The following NAGA variants were observed in gnomAD, a reference collection of about 807,000 sequenced individuals.
NAGA encodes Acetylgalactosaminidase, alpha-N- (alpha-galactosidase B).
Under a neutral mutation model 45.6 loss-of-function variants are expected in NAGA, and 42 were observed. The observed-to-expected ratio is 0.92, with a 90% CI of 0.72 to 1.19. The LOEUF (loss-of-function observed/expected upper bound fraction) is 1.19. NAGA is among the 50% of genes most tolerant of loss of function. The pLI is 0.00. For missense variants in NAGA, 493 were observed against 544.8 expected (o/e 0.90, Z 0.95); for synonymous variants, 176 against 203.1 (o/e 0.87, Z 1.13).
rs377144205 is a variant in NAGA at position 42,064,209 on chromosome 22, G to T, written c.760-1185C>A. On this transcript the variant is annotated intron_variant, in intron 6 of 8. Coordinates refer to ENST00000396398, the MANE Select transcript of NAGA (RefSeq NM_000262.3). ...TACAAAATTAGCCAGGCGTGGTGGCGCATGCCTGTAATCCCAGCTACTTGG... is the reference window on the plus strand; with the variant it reads ...TACAAAATTAGCCAGGCGTGGTGGCTCATGCCTGTAATCCCAGCTACTTGG... Among the ~76,000 whole-genome samples, 6 of 151,724 alleles carry T rather than the reference G, an allele frequency of 4.0e-5. No homozygotes were observed. The East Asian group carries it at 1.2e-3, about 29-fold the overall frequency.
rs1454615390 is a variant in NAGA at position 42,065,782 on chromosome 22, G to A, written c.715C>T (p.Leu239=). 1.2e-6 allele frequency: 2 copies of A among 1,614,070 alleles called. No homozygotes were observed. Among genetic ancestry groups the A allele is most frequent in the African/African-American group, 2.7e-5 (2 of 74,920 alleles). Residue 239 remains leucine (L), a synonymous_variant, in exon 6 of 9, where the codon CTG becomes TTG. Transcript: ENST00000396398. ...LNWFVEHQDI[L]QPVAGPGHWN... The stretch of plus-strand genomic sequence containing the variant: ...TGCCCAGGGCCGGCCACTGGCTGCA[G>A]TATGTCCTGGTGCTCCACGAACCAA...
intron 2 of NAGA, 135 bp downstream of exon 2, chr22:42,068,304 G>A (rs1241179095): frequency 1.5e-5 from 21 of 1,422,958 alleles, no homozygotes; most frequent in African/African-American, 7.0e-5. Context: ...CAGACAGTCC[G>A]AGTGACTTCT....
At position 42,062,618 on chromosome 22, in the gene NAGA, C is replaced by T. The variant is rs142489962; in HGVS notation, c.957+209G>A. Among the ~76,000 whole-genome samples the T allele has an allele frequency of 9.6e-4, 146 of 152,310 alleles. No homozygotes were observed. In the Middle Eastern group the frequency reaches 0.027, roughly 28 times the overall value. Reference sequence around the variant, plus strand: ...CCCGACTCCCTTGAGCTGTCCTGCTCAGCCCTGCTCTCACCCAGCAAGAGG... The same window carrying T: ...CCCGACTCCCTTGAGCTGTCCTGCTTAGCCCTGCTCTCACCCAGCAAGAGG... On this transcript the variant is annotated intron_variant, in intron 7 of 8. Transcript: ENST00000396398.
intron 7 of NAGA, 136 bp downstream of exon 7, chr22:42,062,691 A>G: frequency 1.0e-6 from 1 of 967,094 alleles, no homozygotes; most frequent in Admixed American, 1.8e-5. Flanking sequence ...ATAAGCAACC[A>G]GAAGGGGTAG....
At chr22:42,066,024 C>T in intron 5 of NAGA, 125 bp from the exon 6 acceptor site, 1 of 1,273,932 alleles carries the variant, frequency 7.8e-7, no homozygotes. Flanking sequence ...GAGAACAGGC[C>T]CCACCGGCTT....
Position 42,070,389 on chromosome 22 carries a change from A to G in NAGA, c.-92T>C. The G allele has an allele frequency of 6.6e-7, 1 of 1,514,362 alleles. No homozygotes were observed. Among genetic ancestry groups the G allele is most frequent in the Non-Finnish European group, 9.2e-7 (1 of 1,089,316 alleles). The allele number at this position is 1,514,362 out of a possible 1,614,324, so 93.8% of individuals were successfully genotyped here. A position where few individuals can be genotyped will look rare whatever the true frequency, so the allele number is the denominator to read the frequency against. The stretch of plus-strand genomic sequence containing the variant: ...GCTCTGGAAGCTAAGAAACGTCTGA[A>G]AAGCACTGGGGTCACGGCTGCCTGG... On this transcript the variant is annotated 5_prime_UTR_variant, in exon 1 of 9. Coordinates refer to ENST00000396398, the MANE Select transcript of NAGA (RefSeq NM_000262.3).
chr22:42,060,283 TG>T lies in NAGA; in HGVS notation c.1231del (p.Gln411SerfsTer40). 6.2e-7 allele frequency: 1 copy of T among 1,613,424 alleles called. No individual in the cohort carries two copies. The highest frequency in any genetic ancestry group is 8.5e-7 in the Non-Finnish European group (1 of 1,179,978). On this transcript the variant is annotated frameshift_variant, in exon 9 of 9. Transcript: ENST00000396398. LOFTEE classifies it high-confidence loss of function. Reference protein sequence around the residue: ...YPIKNLEMSQQ With the variant: ...YPIKNLEMSQX The stretch of plus-strand genomic sequence containing the variant: ...CCTGTCACATGTCCCAGCTCCTCAC[TG>T]CTGGGACATCTCCAGGTTCTTGATG...
chr22:42,067,150 C>G lies in NAGA; in HGVS notation c.465G>C (p.Leu155=). ...FAEWKVDMLK[L]DGCFSTPEER... The stretch of plus-strand genomic sequence containing the variant: ...CCTCGGGGGTGGAGAAGCAGCCATC[C>G]AGCTTGAGCATGTCTACCTTCCACT... Residue 155 remains leucine (L), a synonymous_variant, in exon 4 of 9, where the codon CTG becomes CTC. Coordinates refer to ENST00000396398, the MANE Select transcript of NAGA (RefSeq NM_000262.3). The G allele has an allele frequency of 1.2e-6, 2 of 1,614,194 alleles. No homozygotes were observed. The highest frequency in any genetic ancestry group is 1.7e-6 in the Non-Finnish European group (2 of 1,180,028).
Position 42,068,448 on chromosome 22 carries a change from T to A in NAGA, c.143A>T (p.Asn48Ile). Residue 48 changes from asparagine (N) to isoleucine (I), a missense_variant, in exon 2 of 9, where the codon AAC (asparagine) becomes ATC (isoleucine). Transcript: ENST00000396398. ...CNINCDEDPKNCISEQLFMEM... is the reference protein window; with the variant it reads ...CNINCDEDPKICISEQLFMEM... ...TGTGGACCTTACTCACCTTATGCAGTTCTTTGGGTCCTCATCACAGTTAAT... is the reference window on the plus strand; with the variant it reads ...TGTGGACCTTACTCACCTTATGCAGATCTTTGGGTCCTCATCACAGTTAAT... 1 of 1,614,098 alleles carries A rather than the reference T, an allele frequency of 6.2e-7. No homozygotes were observed. The highest frequency in any genetic ancestry group is 8.5e-7 in the Non-Finnish European group (1 of 1,180,018).
chr22:42,061,025 T>C lies in NAGA; in HGVS notation c.1000A>G (p.Lys334Glu). Residue 334 changes from lysine to glutamate, a missense_variant, in exon 8 of 9, where the codon AAG becomes GAG. Transcript: ENST00000396398. ...CTGAAGAAGACTAAGGCGCTAGCCT[T>C]GTTGGACAGAGGCCGCATGTACACT... ...IEVYMRPLSN[K>E]ASALVFFSCR... 1 of 1,614,148 alleles carries C rather than the reference T, an allele frequency of 6.2e-7. No homozygotes were observed. The highest frequency in any genetic ancestry group is 8.5e-7 in the Non-Finnish European group (1 of 1,180,028).
Position 42,059,943 on chromosome 22 carries a change from C to T in NAGA, c.*336G>A, listed in dbSNP as rs1479979030. 2.8e-6 allele frequency: 1 copy of T among 358,042 alleles called. No homozygotes were observed. 22.2% of individuals were successfully genotyped at this position (358,042 alleles called of 1,614,324 possible). A position where few individuals can be genotyped will look rare whatever the true frequency, so the allele number is the denominator to read the frequency against. On this transcript the variant is annotated 3_prime_UTR_variant, in exon 9 of 9. Transcript: ENST00000396398. ...ACTCCTAATTCGAAAACTTCCAAATCCTGATTTCAGAGTCAACAGCAAGGT... is the reference window on the plus strand; with the variant it reads ...ACTCCTAATTCGAAAACTTCCAAATTCTGATTTCAGAGTCAACAGCAAGGT...
chr22:42,065,036 T>C (rs1926643664), intron 6 of NAGA, among the ~76,000 whole-genome samples: 2 of 152,208 alleles, frequency 1.3e-5, no homozygotes, highest in Non-Finnish European at 2.9e-5. Flanking sequence ...ACTATTCTTA[T>C]TTTCCAATTG....
chr22:42,068,457 TC>T lies in NAGA; in HGVS notation c.133del (p.Asp45ThrfsTer6). On this transcript the variant is annotated frameshift_variant, in exon 2 of 9. Transcript: ENST00000396398. LOFTEE classifies it high-confidence loss of function. ...RFRCNINCDE[D>X]PKNCISEQLF... ...TACTCACCTTATGCAGTTCTTTGGG[TC>T]CTCATCACAGTTAATGTTGCAGCGG... 5.6e-6 allele frequency: 9 copies of T among 1,614,114 alleles called. No homozygotes were observed. The highest frequency in any genetic ancestry group is 7.6e-6 in the Non-Finnish European group (9 of 1,180,018).
At chr22:42,065,668 A>G (rs1926679117) in intron 6 of NAGA, 70 bp downstream of exon 6, 2 of 1,599,048 alleles carry the variant, frequency 1.3e-6, no homozygotes, top group East Asian at 2.2e-5. Context: ...GAAGGAAGAA[A>G]GCACAGGGCA....
At position 42,068,769 on chromosome 22, in the gene NAGA, A is replaced by T. The variant is rs150641602; in HGVS notation, c.17-195T>A. ...CTCTTGCAAAGCAGTAAGTGGGAGGATGGTGCCTGGGCCAGGCAGTGGCTT... is the reference window on the plus strand; with the variant it reads ...CTCTTGCAAAGCAGTAAGTGGGAGGTTGGTGCCTGGGCCAGGCAGTGGCTT... On this transcript the variant is annotated intron_variant, in intron 1 of 8. Coordinates refer to ENST00000396398, the MANE Select transcript of NAGA (RefSeq NM_000262.3). Among the ~76,000 whole-genome samples the T allele has an allele frequency of 7.1e-4, 108 of 151,806 alleles. No homozygotes were observed. The Middle Eastern group carries it at 0.017, about 24-fold the overall frequency.
intron 3 of NAGA, among the ~76,000 whole-genome samples, 196 bp downstream of exon 3, chr22:42,067,569 C>A (rs112989379): frequency 3.2e-4 from 48 of 152,346 alleles, no homozygotes; most frequent in African/African-American, 1.2e-3. Flanking sequence ...CTCCAGGGAA[C>A]CTTCCTAGAA....
chr22:42,066,762 G>C lies in NAGA; in HGVS notation c.545C>G (p.Pro182Arg). The C allele has an allele frequency of 6.2e-7, 1 of 1,607,398 alleles. No individual in the cohort carries two copies. The highest frequency in any genetic ancestry group is 8.5e-7 in the Non-Finnish European group (1 of 1,177,290). ...TGGCCAGCTGCAGGAGAAGGCGATG[G>C]GGCGGCCTGTGGCATTCAGGGCAGC... The part of the protein sequence containing the change: ...MAAALNATGR[P>R]IAFSCSWPAY... Residue 182 changes from proline to arginine, a missense_variant, in exon 5 of 9, where the codon CCC becomes CGC. Transcript: ENST00000396398.
At position 42,070,336 on chromosome 22, in the gene NAGA, G is replaced by A. The variant is rs374004440; in HGVS notation, c.-39C>T. 3 of 1,613,456 alleles carry A rather than the reference G, an allele frequency of 1.9e-6. No individual in the cohort carries two copies. The African/African-American group carries it at 4.0e-5, about 22-fold the overall frequency. ...GCTTCCGAGGACCTGACCAGATCTG[G>A]TCTGCGTGTATCAGCTGTATGTGTT... On this transcript the variant is annotated 5_prime_UTR_variant, in exon 1 of 9. Transcript: ENST00000396398.
At chr22:42,068,638 C>G in intron 1 of NAGA, 64 bp from the exon 2 acceptor site, 1 of 1,601,086 alleles carries the variant, frequency 6.2e-7, no homozygotes, top group Non-Finnish European at 8.5e-7. Flanking sequence ...GCCCTCATCC[C>G]ACCCCATCTG....
Sources: gnomAD v4.1 joint callset for allele counts (sites outside exome capture counted in the v4.1 genomes callset) on GRCh38, gnomAD v4.1.1 for gene constraint, MANE v1.5 for transcripts, NCBI Gene and HGNC (gene_info 2026-07-23, HGNC 2026-07-21) for gene names.